CDH4: variants seen among roughly 807,000 people sequenced by gnomAD.
CDH4 encodes cadherin-4.
In CDH4, 33 loss-of-function variants were observed where a neutral mutation model predicts 86.0. The ratio of observed to expected loss-of-function variants is 0.38; its 90% confidence interval spans 0.29 to 0.51. The LOEUF (loss-of-function observed/expected upper bound fraction) is 0.51. Ranked by LOEUF, CDH4 falls within the 20% of genes least tolerant of loss-of-function variation. The probability of loss-of-function intolerance (pLI) is 0.86; values close to 1 mark genes in which losing one functional copy is unlikely to be tolerated. For missense variants in CDH4, 1,114 were observed against 1,307.4 expected, an observed-to-expected ratio of 0.85 and a Z score of 2.28; for synonymous variants, 555 against 549.4, an observed-to-expected ratio of 1.01 and a Z score of -0.14.
At chr20:61,567,754 G>A (rs1487911572) in intron 2 of CDH4, among the ~76,000 whole-genome samples, 1 of 152,148 alleles carries the variant, frequency 6.6e-6, no homozygotes, top group African/African-American at 2.4e-5. Context: ...GACTAAAACG[G>A]GAGGATTGTT....
At chr20:61,850,812 G>A (rs529037802) in intron 5 of CDH4, among the ~76,000 whole-genome samples, 1 of 152,284 alleles carries the variant, frequency 6.6e-6, no homozygotes, top group Non-Finnish European at 1.5e-5. Context: ...AGATGGGCAG[G>A]GGAGATTTCT....
At position 61,811,776 on chromosome 20, in the gene CDH4, A is replaced by G. The variant is rs562744607; in HGVS notation, c.577-32892A>G. Among the ~76,000 whole-genome samples, 11 of 151,426 alleles carry G rather than the reference A, an allele frequency of 7.3e-5. No individual in the cohort carries two copies. Among genetic ancestry groups the G allele is most frequent in the African/African-American group, 2.7e-4 (11 of 41,232 alleles). On this transcript the variant is annotated intron_variant, in intron 4 of 15. Coordinates refer to ENST00000614565, the MANE Select transcript of CDH4 (RefSeq NM_001794.5). The surrounding 1 kb of genome is among the most constrained non-coding windows in gnomAD (Gnocchi z 4.4). ...AACCTCTGCCTCCCGGGTTCAAGCA[A>G]TTCTCCTGCCTCAGCCTCCCATGTA...
At position 61,874,977 on chromosome 20, in the gene CDH4, G is replaced by A. The variant is rs368234696; in HGVS notation, c.1050+1077G>A. 9.8e-5 allele frequency among the ~76,000 whole-genome samples: 15 copies of A among 152,298 alleles called. No individual in the cohort carries two copies. The South Asian group carries it at 2.3e-3, about 23-fold the overall frequency. On this transcript the variant is annotated intron_variant, in intron 7 of 15. Coordinates refer to ENST00000614565, the MANE Select transcript of CDH4 (RefSeq NM_001794.5). ...AGTTGGCGGCTTCTGAGTGCGTCAC[G>A]GCCCTCGAGCTCTGGGTGTGCGGGG...
chr20:61,932,856 G>A (rs2055130345), intron 13 of CDH4, 129 bp from the exon 14 acceptor site: 1 of 1,259,494 alleles, frequency 7.9e-7, no homozygotes. Flanking sequence ...AGGTGTGCAT[G>A]CACACATGGG....
chr20:61,722,500 G>A (rs1485625633), intron 2 of CDH4, among the ~76,000 whole-genome samples: 1 of 152,202 alleles, frequency 6.6e-6, no homozygotes, highest in Non-Finnish European at 1.5e-5. Context: ...GGACCCAGGT[G>A]CATCCCCCCA....
intron 2 of CDH4, among the ~76,000 whole-genome samples, chr20:61,723,134 G>A (rs776777970): frequency 2.0e-5 from 3 of 152,162 alleles, no homozygotes; most frequent in Non-Finnish European, 2.9e-5. Flanking sequence ...ATGTGTCCCC[G>A]ACTCCCAGAG....
intron 6 of CDH4, among the ~76,000 whole-genome samples, chr20:61,855,604 A>C (rs1160555829): frequency 6.6e-6 from 1 of 152,208 alleles, no homozygotes; most frequent in Non-Finnish European, 1.5e-5. Flanking sequence ...ATCACAAATC[A>C]AACCTCCCGT....
At chr20:61,721,647 C>T (rs1389935188) in intron 2 of CDH4, among the ~76,000 whole-genome samples, 1 of 152,180 alleles carries the variant, frequency 6.6e-6, no homozygotes, top group Non-Finnish European at 1.5e-5. Flanking sequence ...TTGCATAATG[C>T]ACCATGCACA....
At chr20:61,884,298 C>T (rs911510558) in intron 7 of CDH4, among the ~76,000 whole-genome samples, 1 of 152,192 alleles carries the variant, frequency 6.6e-6, no homozygotes, top group Non-Finnish European at 1.5e-5. Context: ...GTGCAAAGGG[C>T]AGCTGAGCAG....
At chr20:61,487,332 A>G (rs531692925) in intron 2 of CDH4, among the ~76,000 whole-genome samples, 301 of 152,288 alleles carry the variant, frequency 2.0e-3, no homozygotes, top group Non-Finnish European at 3.7e-3. Context: ...AGGATTCCTA[A>G]GGAAGTGAGG....
At chr20:61,907,997 T>C (rs1472477394) in intron 8 of CDH4, among the ~76,000 whole-genome samples, 2 of 152,164 alleles carry the variant, frequency 1.3e-5, no homozygotes, top group Non-Finnish European at 2.9e-5. Flanking sequence ...TGTGAATGCT[T>C]GGACCTAAAC....
intron 2 of CDH4, among the ~76,000 whole-genome samples, chr20:61,692,121 GTGTC>G (rs1461413656): frequency 7.0e-6 from 1 of 142,984 alleles, no homozygotes; most frequent in Non-Finnish European, 1.5e-5. Flanking sequence ...ATGCATGTGT[GTGTC>G]TGTGTGTGTC....
chr20:61,703,341 A>G lies in CDH4; in HGVS notation c.170-40222A>G, dbSNP rs553745079. On this transcript the variant is annotated intron_variant, in intron 2 of 15. Transcript: ENST00000614565. This position sits in a 1 kb window ranked among gnomAD's most constrained non-coding sequence, Gnocchi z 4.3. Reference sequence around the variant, plus strand: ...ACGGGCAGTACACACCACGAGTGTCATGGAGAAAATAGGCCTGGCAGGATG... The same window carrying G: ...ACGGGCAGTACACACCACGAGTGTCGTGGAGAAAATAGGCCTGGCAGGATG... Among the ~76,000 whole-genome samples, 1 of 152,216 alleles carries G rather than the reference A, an allele frequency of 6.6e-6. No homozygotes were observed. The highest frequency in any genetic ancestry group is 2.4e-5 in the African/African-American group (1 of 41,450).
chr20:61,936,778 T>C lies in CDH4; in HGVS notation c.2586T>C (p.Tyr862=). ...ACAACGACCCCACGGCACCCCCCTA[T>C]GACTCCCTGCTGGTCTTCGACTACG... ...AADNDPTAPP[Y]DSLLVFDYEG... The change falls in exon 16 of 16, where the codon TAT becomes TAC. Residue 862 remains tyrosine, a synonymous_variant. Transcript: ENST00000614565. The C allele has an allele frequency of 6.2e-7, 1 of 1,610,136 alleles. No homozygotes were observed. Among genetic ancestry groups the C allele is most frequent in the South Asian group, 1.1e-5 (1 of 90,566 alleles).
intron 2 of CDH4, among the ~76,000 whole-genome samples, chr20:61,330,698 G>A (rs892908010): frequency 2.6e-5 from 4 of 152,182 alleles, no homozygotes; most frequent in African/African-American, 4.8e-5. Context: ...GTCAGAACAC[G>A]GCTGCCACCT....
At chr20:61,927,772 C>T (rs2055060241) in intron 11 of CDH4, among the ~76,000 whole-genome samples, 5 of 152,334 alleles carry the variant, frequency 3.3e-5, no homozygotes, top group Admixed American at 3.3e-4. Flanking sequence ...CTGTGACCTC[C>T]GTGGCTGTGA....
intron 2 of CDH4, among the ~76,000 whole-genome samples, chr20:61,256,710 C>T (rs1600810236): frequency 6.6e-6 from 1 of 152,148 alleles, no homozygotes; most frequent in African/African-American, 2.4e-5. Context: ...CGTGTGCAGC[C>T]CAGCCCAGGG....
intron 2 of CDH4, among the ~76,000 whole-genome samples, chr20:61,297,138 C>A (rs1332456801): frequency 6.6e-6 from 1 of 152,190 alleles, no homozygotes; most frequent in African/African-American, 2.4e-5. Flanking sequence ...GTAATCCCAG[C>A]ACTTTGGGAG....
intron 2 of CDH4, among the ~76,000 whole-genome samples, chr20:61,386,149 C>G (rs1305735839): frequency 6.6e-6 from 1 of 152,148 alleles, no homozygotes; most frequent in Non-Finnish European, 1.5e-5. Flanking sequence ...CATTGTTCGC[C>G]TTTCCTGGAA....
Sources: gnomAD v4.1 joint callset for allele counts (sites outside exome capture counted in the v4.1 genomes callset) on GRCh38, gnomAD v4.1.1 for gene constraint, Gnocchi (gnomAD v3.1) non-coding constraint, MANE v1.5 for transcripts, NCBI Gene and HGNC (gene_info 2026-07-23, HGNC 2026-07-21) for gene names.